AGBL4: variants seen among roughly 807,000 people sequenced by gnomAD.
AGBL4 encodes cytosolic carboxypeptidase 6.
AGBL4 carries 58 observed loss-of-function variants against 66.4 expected under a neutral mutation model. The ratio of observed to expected loss-of-function variants is 0.87; its 90% CI spans 0.71 to 1.09. The LOEUF (loss-of-function observed/expected upper bound fraction) is 1.09, where lower values mean the gene tolerates loss of function less well. Among genes scored for constraint, AGBL4 ranks in the 50% least tolerant of loss-of-function variants. The pLI is 0.00. For synonymous variants in AGBL4, 234 were observed against 222.9 expected, an observed-to-expected ratio of 1.05 and a Z score of -0.44; for missense variants, 579 against 631.0, an observed-to-expected ratio of 0.92 and a Z score of 0.88.
At chr1:49,925,502 G>T (rs1652674731) in intron 1 of AGBL4, among the ~76,000 whole-genome samples, 1 of 152,164 alleles carries the variant, frequency 6.6e-6, no homozygotes, top group African/African-American at 2.4e-5. Flanking sequence ...AGCAAGGGGA[G>T]AAATGAAGGG....
chr1:48,929,316 C>T (rs1372683118), intron 5 of AGBL4, among the ~76,000 whole-genome samples: 1 of 152,188 alleles, frequency 6.6e-6, no homozygotes, highest in African/African-American at 2.4e-5. Flanking sequence ...CCCTCAATAT[C>T]TTTGCTTCAG....
At chr1:48,582,232 T>C (rs1644750957) in intron 11 of AGBL4, among the ~76,000 whole-genome samples, 1 of 144,432 alleles carries the variant, frequency 6.9e-6, no homozygotes, top group Non-Finnish European at 1.6e-5. Context: ...ATGGAATCAC[T>C]GAATATTAAA....
At chr1:48,613,410 A>T (rs1165078727) in intron 9 of AGBL4, among the ~76,000 whole-genome samples, 2 of 152,314 alleles carry the variant, frequency 1.3e-5, no homozygotes, top group Admixed American at 6.5e-5. Flanking sequence ...TCATATTCTG[A>T]TTCAGCAATA....
At chr1:49,492,760 G>A (rs2148746760) in intron 3 of AGBL4, among the ~76,000 whole-genome samples, 1 of 152,006 alleles carries the variant, frequency 6.6e-6, no homozygotes, top group Admixed American at 6.6e-5. Context: ...AATGAACTGT[G>A]GAAAGAAACA....
chr1:49,476,662 T>C (rs994377222), intron 3 of AGBL4, among the ~76,000 whole-genome samples: 1 of 152,090 alleles, frequency 6.6e-6, no homozygotes, highest in African/African-American at 2.4e-5. Context: ...TATAATGCCC[T>C]TCTTGGTCCT....
At chr1:49,603,617 G>A (rs1249536756) in intron 3 of AGBL4, among the ~76,000 whole-genome samples, 1 of 151,870 alleles carries the variant, frequency 6.6e-6, no homozygotes, top group East Asian at 1.9e-4. Context: ...CTAGGAGGCA[G>A]GCCATTAAAA....
intron 6 of AGBL4, among the ~76,000 whole-genome samples, chr1:48,729,845 C>T (rs1462550454): frequency 1.3e-5 from 2 of 151,936 alleles, no homozygotes; most frequent in African/African-American, 2.4e-5. Context: ...CTGACTATTC[C>T]CAAGCCTGAC....
At chr1:49,524,242 T>G (rs1650486656) in intron 3 of AGBL4, among the ~76,000 whole-genome samples, 1 of 152,142 alleles carries the variant, frequency 6.6e-6, no homozygotes, top group Non-Finnish European at 1.5e-5. Context: ...CCAGATTCTG[T>G]TCTACATACA....
intron 2 of AGBL4, among the ~76,000 whole-genome samples, chr1:49,740,544 G>C (rs1036998526): frequency 1.3e-5 from 2 of 152,124 alleles, no homozygotes; most frequent in African/African-American, 4.8e-5. Context: ...TCTGCACCAA[G>C]CAGACCTAAT....
intron 6 of AGBL4, among the ~76,000 whole-genome samples, chr1:48,701,590 C>A (rs1316972362): frequency 6.6e-6 from 1 of 152,142 alleles, no homozygotes; most frequent in Non-Finnish European, 1.5e-5. Flanking sequence ...CAGGCACACA[C>A]AGCCACATCC....
At chr1:49,692,672 C>G (rs1047187968) in intron 3 of AGBL4, among the ~76,000 whole-genome samples, 1 of 150,552 alleles carries the variant, frequency 6.6e-6, no homozygotes, top group African/African-American at 2.5e-5. Context: ...GAGCCAAGAT[C>G]GCGCCACTGC....
At chr1:49,234,808 C>T (rs917017965) in intron 4 of AGBL4, among the ~76,000 whole-genome samples, 9 of 152,118 alleles carry the variant, frequency 5.9e-5, no homozygotes, top group Non-Finnish European at 5.9e-5. Flanking sequence ...AGGTTGATCA[C>T]CCTATGCATC....
intron 6 of AGBL4, among the ~76,000 whole-genome samples, chr1:48,861,853 G>T (rs1647500578): frequency 6.6e-6 from 1 of 152,190 alleles, no homozygotes; most frequent in Admixed American, 6.5e-5. Context: ...ATGGAACTTG[G>T]CAGTGGAGAA....
chr1:48,891,555 G>A (rs1456784703), intron 5 of AGBL4, among the ~76,000 whole-genome samples: 1 of 152,178 alleles, frequency 6.6e-6, no homozygotes, highest in Non-Finnish European at 1.5e-5. Context: ...GCTATCTTAG[G>A]AACCTCTTAC....
chr1:49,060,962 GA>G (rs1644391938), intron 4 of AGBL4, among the ~76,000 whole-genome samples: 1 of 152,158 alleles, frequency 6.6e-6, no homozygotes, highest in Non-Finnish European at 1.5e-5. Flanking sequence ...AAAGTAATGT[GA>G]AAAATGAGTT....
chr1:49,940,805 A>T (rs1271509775), intron 1 of AGBL4, among the ~76,000 whole-genome samples: 1 of 152,100 alleles, frequency 6.6e-6, no homozygotes, highest in East Asian at 1.9e-4. Flanking sequence ...TACATATGTA[A>T]CTAACCTGCA....
At chr1:49,750,068 T>A (rs1651326820) in intron 2 of AGBL4, among the ~76,000 whole-genome samples, 1 of 152,124 alleles carries the variant, frequency 6.6e-6, no homozygotes, top group African/African-American at 2.4e-5. Flanking sequence ...TAATAAGTAA[T>A]GCTCAAAATA....
intron 3 of AGBL4, among the ~76,000 whole-genome samples, chr1:49,402,698 G>T (rs894669234): frequency 1.3e-5 from 2 of 151,824 alleles, no homozygotes; most frequent in Admixed American, 6.6e-5. Flanking sequence ...CTCCTGAGTA[G>T]CTGGGATTAC....
At chr1:48,733,782 T>C (rs1328650066) in intron 6 of AGBL4, among the ~76,000 whole-genome samples, 1 of 152,172 alleles carries the variant, frequency 6.6e-6, no homozygotes, top group Non-Finnish European at 1.5e-5. Context: ...ACACAAAATT[T>C]GGTCAGGCGA....
Sources: allele counts gnomAD v4.1 joint callset (sites outside exome capture counted in the v4.1 genomes callset), GRCh38; gene constraint gnomAD v4.1.1; transcripts MANE v1.5; gene names NCBI Gene and HGNC (gene_info 2026-07-23, HGNC 2026-07-21).